The following PDE3B variants were observed in gnomAD, a reference collection of about 807,000 sequenced individuals.
The protein encoded by PDE3B is phosphodiesterase 3B.
In PDE3B, 66 loss-of-function variants were observed where a neutral mutation model predicts 116.8. That is an observed-to-expected ratio of 0.56 (90% confidence interval 0.46 to 0.69). PDE3B has a LOEUF of 0.69. Ranked by LOEUF, PDE3B falls within the 30% of genes least tolerant of loss-of-function variation. The probability of loss-of-function intolerance (pLI) is 0.00; values close to 1 mark genes in which losing one functional copy is unlikely to be tolerated. For synonymous variants in PDE3B, 595 were observed against 533.6 expected (o/e 1.12, Z -1.59); for missense variants, 1,384 against 1,368.1 (o/e 1.01, Z -0.18).
At position 14,867,716 on chromosome 11, in the gene PDE3B, T is replaced by G; in HGVS notation, c.3097T>G (p.Leu1033Val). The G allele has an allele frequency of 6.2e-7, 1 of 1,612,180 alleles. No individual in the cohort carries two copies. The highest frequency in any genetic ancestry group is 2.2e-5 in the East Asian group (1 of 44,856). ...ESGDDEDGEE[L>V]DTEDEEMENN... ...TGGTGATGATGAAGACGGTGAAGAA[T>G]TAGATACAGAAGATGAAGAAATGGA... is the stretch of plus-strand genomic sequence containing the variant. Residue 1033 changes from leucine to valine, a missense_variant, in exon 15 of 16, where the codon TTA becomes GTA. Leu to Val is a conservative substitution (Grantham distance 32, BLOSUM62 1). Coordinates refer to ENST00000282096, the MANE Select transcript of PDE3B (RefSeq NM_000922.4).
chr11:14,875,919 A>C (rs1848183594), downstream of PDE3B, among the ~76,000 whole-genome samples: 1 of 152,220 alleles, frequency 6.6e-6, no homozygotes, highest in Non-Finnish European at 1.5e-5. Context: ...TGATTAAGGA[A>C]AAATGCAAAC....
Position 14,675,234 on chromosome 11 carries a change from CT to C in PDE3B, c.978+30189del, listed in dbSNP as rs1170991659. ...AGGACTGTCTCCTAAAGAGAGGTAA[CT>C]TTTTTTTCTGTTGGATGGTAAATTA... On this transcript the variant is annotated intron_variant, in intron 1 of 15. Coordinates refer to ENST00000282096, the MANE Select transcript of PDE3B (RefSeq NM_000922.4). Among the ~76,000 whole-genome samples, 4 of 152,098 alleles carry C rather than the reference CT, an allele frequency of 2.6e-5. No homozygotes were observed. In the South Asian group the frequency reaches 6.2e-4, roughly 24 times the overall value.
chr11:14,672,582 G>T (rs1411091110), intron 1 of PDE3B, among the ~76,000 whole-genome samples: 1 of 152,128 alleles, frequency 6.6e-6, no homozygotes, highest in African/African-American at 2.4e-5. Context: ...AAGTAAGAAA[G>T]AAGTTTATTT....
downstream of PDE3B, among the ~76,000 whole-genome samples, chr11:14,875,320 C>T (rs1364011466): frequency 1.3e-5 from 2 of 152,166 alleles, no homozygotes; most frequent in African/African-American, 4.8e-5. Flanking sequence ...CCTTCCATCT[C>T]CTAAAATTTC....
intron 1 of PDE3B, among the ~76,000 whole-genome samples, chr11:14,694,782 A>T (rs1208764908): frequency 6.6e-6 from 1 of 152,120 alleles, no homozygotes; most frequent in South Asian, 2.1e-4. Flanking sequence ...GTCTGCTTTT[A>T]TGTGAACCAA....
At chr11:14,880,173 C>T in the PDE3B span, 1 of 1,612,634 alleles carries the variant, frequency 6.2e-7, no homozygotes, top group Non-Finnish European at 8.5e-7. Context: ...AAAGAATCGC[C>T]CACCGTAGCA....
intron 1 of PDE3B, chr11:14,699,478 T>A (rs558258923): frequency 6.6e-6 from 1 of 151,902 alleles, no homozygotes; most frequent in Admixed American, 6.6e-5. Flanking sequence ...TTAAGTGATA[T>A]AGAATACTTG....
At chr11:14,783,337 T>C (rs1215848252) in intron 2 of PDE3B, among the ~76,000 whole-genome samples, 1 of 152,182 alleles carries the variant, frequency 6.6e-6, no homozygotes, top group East Asian at 1.9e-4. Context: ...CTATTCACAA[T>C]AGCAAAGACT....
At chr11:14,857,338 TTTC>T (rs1245985173) in intron 12 of PDE3B, among the ~76,000 whole-genome samples, 1 of 152,222 alleles carries the variant, frequency 6.6e-6, no homozygotes, top group African/African-American at 2.4e-5. Flanking sequence ...TTGAAATGTT[TTTC>T]TTATTTGGTT....
chr11:14,670,913 TC>T (rs1444891791), intron 1 of PDE3B, among the ~76,000 whole-genome samples: 5 of 152,018 alleles, frequency 3.3e-5, no homozygotes, highest in Non-Finnish European at 7.4e-5. Flanking sequence ...CTCACCATGT[TC>T]CCCAGACTGG....
At chr11:14,897,371 C>T in the PDE3B span, among the ~76,000 whole-genome samples, 771 of 152,284 alleles carry the variant, frequency 5.1e-3, 7 homozygotes, top group African/African-American at 0.018. Flanking sequence ...CCCCTCTCTC[C>T]CTGGTTTTAC....
At chr11:14,654,787 TACACACAC>T (rs59557281) in intron 1 of PDE3B, among the ~76,000 whole-genome samples, 1,585 of 142,074 alleles carry the variant, frequency 0.011, 21 homozygotes, top group African/African-American at 0.017. Context: ...AGCAGCTGTC[TACACACAC>T]ACACACACAC....
chr11:14,662,911 C>T (rs1165658050), intron 1 of PDE3B, among the ~76,000 whole-genome samples: 1 of 152,102 alleles, frequency 6.6e-6, no homozygotes, highest in Non-Finnish European at 1.5e-5. Context: ...AGAACTTCCC[C>T]AATCTAGCAA....
At chr11:14,689,266 C>A (rs555970015) in intron 1 of PDE3B, among the ~76,000 whole-genome samples, 1 of 152,120 alleles carries the variant, frequency 6.6e-6, no homozygotes, top group East Asian at 1.9e-4. Context: ...GGGAATTTGT[C>A]TGTTTCTTGG....
intron 6 of PDE3B, among the ~76,000 whole-genome samples, chr11:14,818,919 T>A (rs1343654195): frequency 6.6e-6 from 1 of 152,154 alleles, no homozygotes; most frequent in East Asian, 1.9e-4. Context: ...AGGGTTTACC[T>A]CAGATCCAAT....
At chr11:14,749,871 T>A (rs1446181217) in intron 1 of PDE3B, among the ~76,000 whole-genome samples, 1 of 125,862 alleles carries the variant, frequency 7.9e-6, no homozygotes, top group Admixed American at 9.2e-5. Flanking sequence ...AAAATTTATA[T>A]ATTTATAGAT....
At chr11:14,887,639 C>G in the PDE3B span, 21 of 985,218 alleles carry the variant, frequency 2.1e-5, no homozygotes, top group Non-Finnish European at 2.3e-5. Flanking sequence ...CCTTCTAGAT[C>G]ACTCCATGAT....
chr11:14,662,661 G>T (rs1204674945), intron 1 of PDE3B, among the ~76,000 whole-genome samples: 1 of 152,230 alleles, frequency 6.6e-6, no homozygotes, highest in Admixed American at 6.5e-5. Flanking sequence ...CGTGAAGAAT[G>T]CAGAAGCCTT....
intron 1 of PDE3B, among the ~76,000 whole-genome samples, chr11:14,759,314 C>G (rs1857286875): frequency 6.6e-6 from 1 of 152,086 alleles, no homozygotes; most frequent in Admixed American, 6.6e-5. Context: ...CCCTCTTTTT[C>G]TATTGACTGG....
Sources: gnomAD v4.1 joint callset for allele counts (sites outside exome capture counted in the v4.1 genomes callset) on GRCh38, gnomAD v4.1.1 for gene constraint, MANE v1.5 for transcripts, NCBI Gene and HGNC (gene_info 2026-07-23, HGNC 2026-07-21) for gene names.